LRRTM4: variants seen among roughly 807,000 people sequenced by gnomAD.
LRRTM4 encodes leucine-rich repeat transmembrane neuronal protein 4.
LRRTM4 carries 25 observed loss-of-function variants against 47.6 expected under a neutral mutation model. That is an observed-to-expected ratio of 0.53 (90% CI 0.38 to 0.73). The LOEUF (loss-of-function observed/expected upper bound fraction) is 0.73, where lower values mean the gene tolerates loss of function less well. LRRTM4 is among the 30% of genes least tolerant of loss of function. The pLI, the probability that LRRTM4 is intolerant of heterozygous loss-of-function variation, is 0.00. For synonymous variants in LRRTM4, 311 were observed against 269.5 expected (o/e 1.15, Z -1.51); for missense variants, 638 against 713.4 (o/e 0.89, Z 1.20).
chr2:77,008,782 G>T (rs1391439243), intron 3 of LRRTM4, among the ~76,000 whole-genome samples: 4 of 151,876 alleles, frequency 2.6e-5, no homozygotes, highest in African/African-American at 9.7e-5. Flanking sequence ...TGTTTTCTAG[G>T]CCTGAAGGCA....
Position 77,519,622 on chromosome 2 carries a change from CG to C in LRRTM4, c.246del (p.Gly83AlafsTer29). 1 of 1,613,408 alleles carries C rather than the reference CG, an allele frequency of 6.2e-7. No individual in the cohort carries two copies. Among genetic ancestry groups the C allele is most frequent in the Non-Finnish European group, 8.5e-7 (1 of 1,179,640 alleles). ...TAAAGCCATATAAGCTGGTTAAGGC[CG>C]GCAAACTGATTGGATTTGAGCTTCT... ...SIQKLKSNQF[A>X]GLNQLIWLYL... is the part of the protein sequence containing the mutation. On this transcript the variant is annotated frameshift_variant, in exon 3 of 4. Coordinates refer to ENST00000409884, the MANE Select transcript of LRRTM4 (RefSeq NM_001134745.3). LOFTEE classifies it high-confidence loss of function. This position sits in a 1 kb window ranked among gnomAD's most constrained non-coding sequence, Gnocchi z 4.6.
At chr2:76,768,345 C>T (rs1177246950) in intron 3 of LRRTM4, among the ~76,000 whole-genome samples, 2 of 151,954 alleles carry the variant, frequency 1.3e-5, no homozygotes, top group Non-Finnish European at 2.9e-5. Context: ...TTAGTCTGGC[C>T]AACACTGTGA....
intron 3 of LRRTM4, among the ~76,000 whole-genome samples, chr2:77,056,091 A>G (rs922224365): frequency 7.3e-5 from 11 of 150,422 alleles, no homozygotes; most frequent in African/African-American, 2.7e-4. Context: ...CCTAATGCTA[A>G]ATGACGAGTT....
At chr2:76,930,181 T>C (rs1674724180) in intron 3 of LRRTM4, among the ~76,000 whole-genome samples, 1 of 152,154 alleles carries the variant, frequency 6.6e-6, no homozygotes, top group African/African-American at 2.4e-5. Context: ...TTGAGCACCA[T>C]CTGTAATTAG....
chr2:76,982,717 G>A (rs986580448), intron 3 of LRRTM4, among the ~76,000 whole-genome samples: 1 of 152,046 alleles, frequency 6.6e-6, no homozygotes, highest in African/African-American at 2.4e-5. Flanking sequence ...AGAGATGAAA[G>A]AGAGGCAGGT....
intron 3 of LRRTM4, among the ~76,000 whole-genome samples, chr2:77,452,582 C>T (rs914731455): frequency 1.3e-5 from 2 of 152,200 alleles, no homozygotes; most frequent in Non-Finnish European, 2.9e-5. Flanking sequence ...AGATGTGCAA[C>T]CTGCACGTGA....
intron 3 of LRRTM4, among the ~76,000 whole-genome samples, chr2:77,458,578 A>C (rs191433678): frequency 0.01 from 1,518 of 151,548 alleles, 26 homozygotes; most frequent in African/African-American, 0.034. Flanking sequence ...CTTTCCATCA[A>C]CTGCCGTTGG....
chr2:77,335,566 C>CT (rs1161666192), intron 3 of LRRTM4, among the ~76,000 whole-genome samples: 1 of 152,176 alleles, frequency 6.6e-6, no homozygotes, highest in Non-Finnish European at 1.5e-5. Context: ...TTGCCCCAGC[C>CT]TATCCACTTA....
chr2:77,075,239 A>C (rs1163486060), intron 3 of LRRTM4, among the ~76,000 whole-genome samples: 1 of 152,226 alleles, frequency 6.6e-6, no homozygotes, highest in African/African-American at 2.4e-5. Context: ...TGGAAGGAAC[A>C]GTTTTGTTTT....
chr2:76,936,917 T>C (rs1385170363), intron 3 of LRRTM4, among the ~76,000 whole-genome samples: 8 of 116,998 alleles, frequency 6.8e-5, no homozygotes, highest in Non-Finnish European at 9.6e-5. Flanking sequence ...ATGGCATCAC[T>C]GCACTCCAGC....
chr2:76,969,181 A>C (rs2103935175), intron 3 of LRRTM4, among the ~76,000 whole-genome samples: 1 of 152,100 alleles, frequency 6.6e-6, no homozygotes, highest in Non-Finnish European at 1.5e-5. Flanking sequence ...ACAGCTAATT[A>C]GTCTCTTGGG....
rs1338645429 is a variant in LRRTM4 at position 77,149,313 on chromosome 2, G to GT, written c.1551+369004dup. 1.5e-3 allele frequency among the ~76,000 whole-genome samples: 221 copies of GT among 151,246 alleles called. 2 individuals are homozygous for GT. The highest frequency in any genetic ancestry group is 1.4e-3 in the Admixed American group (22 of 15,176). ...TAAAATATTAAATTTTATTTTATCA[G>GT]TTTTTTTTTAATTTGTATGTTGTTG... On this transcript the variant is annotated intron_variant, in intron 3 of 3. Coordinates refer to ENST00000409884, the MANE Select transcript of LRRTM4 (RefSeq NM_001134745.3).
intron 3 of LRRTM4, among the ~76,000 whole-genome samples, chr2:76,762,603 T>A (rs1673297846): frequency 6.6e-6 from 1 of 152,212 alleles, no homozygotes; most frequent in Non-Finnish European, 1.5e-5. Flanking sequence ...TTTATCATTC[T>A]GAAAACATGA....
At chr2:77,130,900 T>G (rs902945113) in intron 3 of LRRTM4, among the ~76,000 whole-genome samples, 1 of 115,480 alleles carries the variant, frequency 8.7e-6, no homozygotes, top group Non-Finnish European at 1.7e-5. Flanking sequence ...AGTGGCGGGA[T>G]CTTGGCTCAC....
chr2:76,748,653 C>CA lies in LRRTM4; in HGVS notation c.*41_*42insT. ...TTCTCCTTTAAGATGAAGGCCCTCC[C>CA]TCCCCCCCATGGAGCTCCCCAGTGA... On this transcript the variant is annotated 3_prime_UTR_variant, in exon 4 of 4. Transcript: ENST00000409884. The CA allele has an allele frequency of 1.6e-5, 21 of 1,348,806 alleles. No individual in the cohort carries two copies. The highest frequency in any genetic ancestry group is 2.3e-5 in the East Asian group (1 of 43,218). 83.6% of individuals were successfully genotyped at this position (1,348,806 alleles called of 1,614,324 possible).
intron 3 of LRRTM4, among the ~76,000 whole-genome samples, chr2:76,960,781 A>G (rs943394996): frequency 6.6e-6 from 1 of 151,590 alleles, no homozygotes; most frequent in Non-Finnish European, 1.5e-5. Context: ...CTTTTTATAT[A>G]GTTGCTTAAA....
At chr2:76,770,637 A>G (rs10195937) in intron 3 of LRRTM4, among the ~76,000 whole-genome samples, 14,293 of 152,274 alleles carry the variant, frequency 0.094, 983 homozygotes, top group East Asian at 0.3. Flanking sequence ...AAAGATGAGT[A>G]ACTACCTGTA....
chr2:76,965,759 A>C (rs1676004494), intron 3 of LRRTM4, among the ~76,000 whole-genome samples: 1 of 151,436 alleles, frequency 6.6e-6, no homozygotes, highest in Non-Finnish European at 1.5e-5. Context: ...CTTGAAAACA[A>C]ATTTATATAA....
chr2:77,202,027 G>C (rs925291827), intron 3 of LRRTM4, among the ~76,000 whole-genome samples: 7 of 152,108 alleles, frequency 4.6e-5, no homozygotes, highest in Admixed American at 6.6e-5. Context: ...GTTGTTAAAA[G>C]TTTAAGTCCC....
Sources: gnomAD v4.1 joint callset for allele counts (sites outside exome capture counted in the v4.1 genomes callset) on GRCh38, gnomAD v4.1.1 for gene constraint, Gnocchi (gnomAD v3.1) non-coding constraint, MANE v1.5 for transcripts, NCBI Gene and HGNC (gene_info 2026-07-23, HGNC 2026-07-21) for gene names.